Variants in PBX1 observed in about 807,000 individuals in gnomAD.
PBX1 encodes the protein PBX homeobox 1.
PBX1 carries 6 observed loss-of-function variants against 53.4 expected under a neutral mutation model. The observed-to-expected ratio is 0.11, with a 90% CI of 0.06 to 0.22. PBX1 has a LOEUF of 0.22. PBX1 is among the 10% of genes least tolerant of loss of function. PBX1 has a pLI of 1.00. For synonymous variants in PBX1, 204 were observed against 212.3 expected, an observed-to-expected ratio of 0.96 and a Z score of 0.34; for missense variants, 251 against 551.4, an observed-to-expected ratio of 0.46 and a Z score of 5.46.
At chr1:164,773,606 A>C (rs572446862) in intron 2 of PBX1, among the ~76,000 whole-genome samples, 1 of 151,926 alleles carries the variant, frequency 6.6e-6, no homozygotes, top group East Asian at 1.9e-4. Context: ...TTAAGGGATA[A>C]GCTAGTGAGG....
intron 2 of PBX1, among the ~76,000 whole-genome samples, chr1:164,636,090 G>A (rs569164105): frequency 2.6e-5 from 4 of 152,166 alleles, no homozygotes; most frequent in African/African-American, 9.6e-5. Flanking sequence ...AAATCTGGTG[G>A]CCTCCAGTCA....
intron 3 of PBX1, among the ~76,000 whole-genome samples, chr1:164,798,927 A>C (rs1455356138): frequency 3.9e-5 from 6 of 152,192 alleles, no homozygotes; most frequent in African/African-American, 1.4e-4. Context: ...CAAAGCTTTT[A>C]ATTCCATAAT....
intron 2 of PBX1, among the ~76,000 whole-genome samples, chr1:164,635,542 G>T (rs17386781): frequency 1.3e-5 from 2 of 152,038 alleles, no homozygotes; most frequent in Non-Finnish European, 2.9e-5. Flanking sequence ...ACATTTATTC[G>T]TCTCTTGCCC....
intron 2 of PBX1, among the ~76,000 whole-genome samples, chr1:164,621,517 G>T (rs182485561): frequency 6.6e-6 from 1 of 152,242 alleles, no homozygotes; most frequent in East Asian, 1.9e-4. Flanking sequence ...TCTCCTTCAG[G>T]GGCTGATTTA....
chr1:164,741,361 C>T (rs1203292549), intron 2 of PBX1, among the ~76,000 whole-genome samples: 1 of 152,144 alleles, frequency 6.6e-6, no homozygotes, highest in African/African-American at 2.4e-5. Context: ...GAATGTCAGA[C>T]AGATTTTCAG....
intron 2 of PBX1, among the ~76,000 whole-genome samples, chr1:164,634,045 A>T (rs1191639964): frequency 6.6e-6 from 1 of 152,216 alleles, no homozygotes; most frequent in East Asian, 1.9e-4. Context: ...ACAGCCGTGG[A>T]TGAACAGTTT....
intron 2 of PBX1, among the ~76,000 whole-genome samples, chr1:164,739,356 G>GGCT (rs2102160784): frequency 6.6e-6 from 1 of 152,086 alleles, no homozygotes; most frequent in East Asian, 1.9e-4. Context: ...TTTCCACCTC[G>GGCT]GCTGCTGATG....
At chr1:164,704,481 A>G (rs1367638167) in intron 2 of PBX1, among the ~76,000 whole-genome samples, 1 of 152,230 alleles carries the variant, frequency 6.6e-6, no homozygotes, top group Non-Finnish European at 1.5e-5. Flanking sequence ...TGCCCTTTGT[A>G]GTTGTGCTCA....
intron 2 of PBX1, among the ~76,000 whole-genome samples, chr1:164,603,243 G>A (rs184130475): frequency 6.6e-6 from 1 of 150,880 alleles, no homozygotes; most frequent in East Asian, 2.0e-4. Flanking sequence ...TTATCTCTTT[G>A]TGTTTGCTTC....
chr1:164,608,962 G>A (rs1656729828), intron 2 of PBX1, among the ~76,000 whole-genome samples: 1 of 152,164 alleles, frequency 6.6e-6, no homozygotes, highest in East Asian at 1.9e-4. Context: ...TGTGGAGACT[G>A]CTTTCTCCTG....
chr1:164,583,624 C>T (rs1246060133), intron 2 of PBX1, among the ~76,000 whole-genome samples: 2 of 152,126 alleles, frequency 1.3e-5, no homozygotes, highest in African/African-American at 2.4e-5. Context: ...CTGAGACATA[C>T]GTGTAAAATG....
In PBX1 at chr1:164,813,427, A is replaced by G. The variant is rs1036753852; in HGVS notation, c.997+1278A>G. 3.5e-4 allele frequency: 53 copies of G among 152,330 alleles called. 1 individual carries two copies. The highest frequency in any genetic ancestry group is 1.3e-3 in the African/African-American group (52 of 41,578). The allele number at this position is 152,330 out of a possible 1,614,324, so 9.4% of individuals were successfully genotyped here. On this transcript the variant is annotated intron_variant, in intron 6 of 8. Coordinates refer to ENST00000420696, the MANE Select transcript of PBX1 (RefSeq NM_002585.4). Reference sequence around the variant, plus strand: ...GGAGCATATTTACTTTTTTAGAAATATTTTGTTTTTTTCTTCCTCCATCAT... The same window carrying G: ...GGAGCATATTTACTTTTTTAGAAATGTTTTGTTTTTTTCTTCCTCCATCAT...
At chr1:164,663,276 G>GCCTGCCTTCCTA (rs1553226519) in intron 2 of PBX1, among the ~76,000 whole-genome samples, 7 of 146,370 alleles carry the variant, frequency 4.8e-5, no homozygotes, top group Non-Finnish European at 4.6e-5. Context: ...CTGCCTGCCT[G>GCCTGCCTTCCTA]CCTGCCTTCC....
At chr1:164,638,081 A>C (rs1453751378) in intron 2 of PBX1, among the ~76,000 whole-genome samples, 1 of 152,214 alleles carries the variant, frequency 6.6e-6, no homozygotes, top group Non-Finnish European at 1.5e-5. Flanking sequence ...TTTCTTTGAA[A>C]GCTGTAAGGC....
chr1:164,846,096 C>T (rs1470321218), intron 8 of PBX1, among the ~76,000 whole-genome samples: 1 of 151,970 alleles, frequency 6.6e-6, no homozygotes, highest in Non-Finnish European at 1.5e-5. Flanking sequence ...GAACCTTGTG[C>T]AGAACAAATA....
chr1:164,698,565 C>G (rs550778014), intron 2 of PBX1, among the ~76,000 whole-genome samples: 1 of 152,074 alleles, frequency 6.6e-6, no homozygotes, highest in Non-Finnish European at 1.5e-5. Flanking sequence ...TTGCCAGCCT[C>G]CCGCATCTGA....
chr1:164,820,763 G>A (rs1411762558), intron 7 of PBX1, among the ~76,000 whole-genome samples: 3 of 152,140 alleles, frequency 2.0e-5, no homozygotes, highest in African/African-American at 7.2e-5. Flanking sequence ...TCAAATTTTA[G>A]TGTTCCATAG....
intron 2 of PBX1, among the ~76,000 whole-genome samples, chr1:164,618,208 A>G (rs1657411824): frequency 6.7e-6 from 1 of 148,932 alleles, no homozygotes; most frequent in Admixed American, 6.8e-5. Flanking sequence ...CCGCCTCCCC[A>G]CCACCAAAAT....
chr1:164,875,079 G>C (rs1571551567), intron 2 of PBX1, among the ~76,000 whole-genome samples: 1 of 152,178 alleles, frequency 6.6e-6, no homozygotes, highest in Non-Finnish European at 1.5e-5. Flanking sequence ...CAGTGTGCTG[G>C]TGAAAAATCT....
Sources: allele counts gnomAD v4.1 joint callset (sites outside exome capture counted in the v4.1 genomes callset), GRCh38; gene constraint gnomAD v4.1.1; transcripts MANE v1.5; gene names NCBI Gene and HGNC (gene_info 2026-07-23, HGNC 2026-07-21).